Variants in MEGF11 observed in about 807,000 individuals in gnomAD.
MEGF11 encodes multiple EGF like domains 11.
MEGF11 carries 126 observed loss-of-function variants against 146.6 expected under a neutral mutation model. The ratio of observed to expected loss-of-function variants is 0.86; its 90% CI spans 0.74 to 1.00. MEGF11 has a LOEUF of 1.00. Ranked by LOEUF, MEGF11 falls within the 50% of genes least tolerant of loss-of-function variation. The probability of loss-of-function intolerance (pLI) is 0.00; values close to 1 mark genes in which losing one functional copy is unlikely to be tolerated. For synonymous variants in MEGF11, 532 were observed against 583.4 expected (o/e 0.91, Z 1.27); for missense variants, 1,509 against 1,521.2 (o/e 0.99, Z 0.13).
rs191392418 is a variant in MEGF11 at position 65,945,563 on chromosome 15, G to A, written c.1287+11984C>T. ...ACGCCAGTTTATTTATTGGTAAAAT[G>A]TCGGTGGCACCATCACAGCCCTCAG... On this transcript the variant is annotated intron_variant, in intron 10 of 25. Transcript: ENST00000395614. Among the ~76,000 whole-genome samples, 16 of 152,318 alleles carry A rather than the reference G, an allele frequency of 1.1e-4. No individual in the cohort carries two copies. In the East Asian group the frequency reaches 2.1e-3, roughly 20 times the overall value.
chr15:66,046,218 T>C (rs535206469), intron 5 of MEGF11, among the ~76,000 whole-genome samples: 1 of 152,282 alleles, frequency 6.6e-6, no homozygotes, highest in South Asian at 2.1e-4. Flanking sequence ...CTCCTCACGC[T>C]TCCTTGCCTT....
In MEGF11 at chr15:66,125,377, G is replaced by A. The variant is rs1229581107; in HGVS notation, c.99-1377C>T. ...AGAGTCCTCTTCCAGCTCTGGGATC[G>A]CATGAATCTTTGCTCCAGCACATCT... On this transcript the variant is annotated intron_variant, in intron 2 of 25. Coordinates refer to ENST00000395614, the MANE Select transcript of MEGF11 (RefSeq NM_001385028.1). Among the ~76,000 whole-genome samples the A allele has an allele frequency of 3.9e-5, 6 of 152,326 alleles. No homozygotes were observed. In the South Asian group the frequency reaches 8.3e-4, roughly 21 times the overall value.
rs374072646 is a variant in MEGF11, at chr15:65,977,475, C to T, written c.762+3303G>A. Among the ~76,000 whole-genome samples, 7 of 147,964 alleles carry T rather than the reference C, an allele frequency of 4.7e-5. No individual in the cohort carries two copies. The South Asian group carries it at 6.4e-4, about 14-fold the overall frequency. The stretch of plus-strand genomic sequence containing the variant: ...GGCCTCGGCCCCAAAAACTCTCTCC[C>T]TCTTTTTTTTTTTTTTTTTTTTGAG... On this transcript the variant is annotated intron_variant, in intron 7 of 25. Transcript: ENST00000395614.
intron 5 of MEGF11, among the ~76,000 whole-genome samples, chr15:66,075,984 C>G (rs570060918): frequency 6.7e-6 from 1 of 148,718 alleles, no homozygotes; most frequent in South Asian, 2.2e-4. Context: ...TCTTATTCAT[C>G]TCCATATGCC....
intron 5 of MEGF11, among the ~76,000 whole-genome samples, chr15:66,093,534 T>C (rs188072545): frequency 6.6e-6 from 1 of 152,370 alleles, no homozygotes; most frequent in Admixed American, 6.5e-5. Flanking sequence ...AAAGAGACTC[T>C]ACTCCAACTC....
At chr15:65,966,814 C>T (rs899845697) in intron 8 of MEGF11, among the ~76,000 whole-genome samples, 1 of 151,956 alleles carries the variant, frequency 6.6e-6, no homozygotes, top group African/African-American at 2.4e-5. Flanking sequence ...TGTGACCCCC[C>T]ACTGCTGACC....
chr15:66,090,154 C>G (rs1050440727), intron 5 of MEGF11, among the ~76,000 whole-genome samples: 1 of 152,178 alleles, frequency 6.6e-6, no homozygotes, highest in South Asian at 2.1e-4. Flanking sequence ...GAAGTCCCCA[C>G]CCAACCCCGG....
intron 3 of MEGF11, among the ~76,000 whole-genome samples, chr15:66,122,655 T>A (rs966935086): frequency 2.0e-5 from 3 of 152,260 alleles, no homozygotes; most frequent in Non-Finnish European, 2.9e-5. Flanking sequence ...TCGCTTCACA[T>A]GTGGCTAATA....
intron 5 of MEGF11, among the ~76,000 whole-genome samples, chr15:66,005,869 C>A (rs570195316): frequency 1.8e-3 from 273 of 152,310 alleles, no homozygotes; most frequent in African/African-American, 6.1e-3. Flanking sequence ...GAAGAGTAGC[C>A]GGGCTCAAGT....
At chr15:66,091,780 T>C (rs1398157540) in intron 5 of MEGF11, among the ~76,000 whole-genome samples, 7 of 152,206 alleles carry the variant, frequency 4.6e-5, no homozygotes, top group Admixed American at 3.9e-4. Context: ...TGGCCAGATC[T>C]AGGAGTGAGC....
chr15:65,972,604 A>T (rs1019345869), intron 7 of MEGF11, among the ~76,000 whole-genome samples: 12 of 152,208 alleles, frequency 7.9e-5, no homozygotes, highest in African/African-American at 2.9e-4. Flanking sequence ...ATCAGGAATT[A>T]AGAGGGTTTA....
At chr15:66,133,420 G>A (rs1050187216) in intron 1 of MEGF11, among the ~76,000 whole-genome samples, 4 of 152,164 alleles carry the variant, frequency 2.6e-5, no homozygotes, top group Non-Finnish European at 4.4e-5. Context: ...CATTTCTCCC[G>A]GCATGTGGGT....
intron 5 of MEGF11, among the ~76,000 whole-genome samples, chr15:66,060,097 TGG>T (rs924336919): frequency 2.7e-5 from 4 of 148,058 alleles, no homozygotes; most frequent in African/African-American, 1.0e-4. Context: ...GGATGAAGGA[TGG>T]GGCAACAAAG....
chr15:66,206,891 A>G (rs2091313767), intron 1 of MEGF11, among the ~76,000 whole-genome samples: 1 of 152,204 alleles, frequency 6.6e-6, no homozygotes, highest in South Asian at 2.1e-4. Flanking sequence ...CAACAGAGAG[A>G]GACTTAAAAA....
At chr15:66,197,200 T>C (rs4776759) in intron 1 of MEGF11, among the ~76,000 whole-genome samples, 119,293 of 152,206 alleles carry the variant, frequency 0.78, 47,378 homozygotes, top group African/African-American at 0.92. Flanking sequence ...TCCCAGACCT[T>C]TGTCTGTCTC....
intron 1 of MEGF11, among the ~76,000 whole-genome samples, chr15:66,233,945 C>CTT (rs2092029767): frequency 9.2e-6 from 1 of 108,504 alleles, no homozygotes; most frequent in Non-Finnish European, 1.8e-5. Context: ...TTTTTTTTTT[C>CTT]TTTTTCTTTT....
chr15:66,022,517 C>A (rs1174627277), intron 5 of MEGF11, among the ~76,000 whole-genome samples: 1 of 152,218 alleles, frequency 6.6e-6, no homozygotes, highest in African/African-American at 2.4e-5. Context: ...CCAGTGCATG[C>A]ACTCCAGGTT....
intron 5 of MEGF11, among the ~76,000 whole-genome samples, chr15:66,056,564 CA>C (rs1002266561): frequency 6.6e-6 from 1 of 152,166 alleles, no homozygotes; most frequent in African/African-American, 2.4e-5. Context: ...CAGGCAAGGA[CA>C]TCTTCGTCTT....
chr15:66,037,894 A>G (rs2083788058), intron 5 of MEGF11, among the ~76,000 whole-genome samples: 1 of 152,244 alleles, frequency 6.6e-6, no homozygotes, highest in South Asian at 2.1e-4. Context: ...GGACAAGCAC[A>G]GGAGGCACCC....
Sources: allele counts gnomAD v4.1 joint callset (sites outside exome capture counted in the v4.1 genomes callset), GRCh38; gene constraint gnomAD v4.1.1; transcripts MANE v1.5; gene names NCBI Gene and HGNC (gene_info 2026-07-23, HGNC 2026-07-21).